The following TRIM36 variants were observed in gnomAD, a reference collection of about 807,000 sequenced individuals.
The protein encoded by TRIM36 is E3 ubiquitin-protein ligase TRIM36.
A neutral mutation model predicts 72.4 loss-of-function variants in TRIM36; 42 were observed. That is an observed-to-expected ratio of 0.58 (90% CI 0.45 to 0.75). The LOEUF is 0.75. Ranked by LOEUF, TRIM36 falls within the 30% of genes least tolerant of loss-of-function variation. The pLI is 0.00. For synonymous variants in TRIM36, 315 were observed against 282.8 expected (o/e 1.11, Z -1.14); for missense variants, 913 against 857.1 (o/e 1.07, Z -0.81).
At chr5:115,162,266 C>A (rs969379396) in intron 2 of TRIM36, among the ~76,000 whole-genome samples, 10 of 152,164 alleles carry the variant, frequency 6.6e-5, no homozygotes, top group Admixed American at 6.5e-4. Context: ...GGAGAAACAT[C>A]CCAGTAATGC....
chr5:115,162,645 A>C (rs1431121295), intron 2 of TRIM36, among the ~76,000 whole-genome samples: 3 of 152,198 alleles, frequency 2.0e-5, no homozygotes, highest in Non-Finnish European at 4.4e-5. Context: ...ATTAACATAC[A>C]AAAAGTTTTC....
chr5:115,149,860 G>A (rs1433458451), intron 2 of TRIM36, among the ~76,000 whole-genome samples: 3 of 152,112 alleles, frequency 2.0e-5, no homozygotes, highest in South Asian at 2.1e-4. Context: ...CCGGGTTCAC[G>A]CCATTCTCCT....
intron 2 of TRIM36, among the ~76,000 whole-genome samples, chr5:115,158,835 A>T (rs1754325978): frequency 6.6e-6 from 1 of 152,256 alleles, no homozygotes; most frequent in African/African-American, 2.4e-5. Context: ...TTATATTCTC[A>T]AAAACCTGTA....
upstream of TRIM36, chr5:115,180,290 G>T: frequency 2.7e-6 from 1 of 372,232 alleles, no homozygotes; most frequent in South Asian, 6.0e-5. Flanking sequence ...GCGATCTAAC[G>T]GAACAAACGA....
intron 2 of TRIM36, among the ~76,000 whole-genome samples, chr5:115,153,327 A>C (rs994506581): frequency 9.2e-5 from 13 of 142,002 alleles, no homozygotes; most frequent in Non-Finnish European, 1.6e-4. Flanking sequence ...CTTGTCCAAC[A>C]GGAAAATATC....
At chr5:115,136,242 G>C (rs1236001687) in intron 7 of TRIM36, among the ~76,000 whole-genome samples, 1 of 151,892 alleles carries the variant, frequency 6.6e-6, no homozygotes, top group Non-Finnish European at 1.5e-5. Flanking sequence ...CATTAGAATG[G>C]GCCCTACTCC....
intron 5 of TRIM36, among the ~76,000 whole-genome samples, chr5:115,138,864 G>A (rs1753115838): frequency 6.6e-6 from 1 of 152,074 alleles, no homozygotes; most frequent in Admixed American, 6.5e-5. Flanking sequence ...CGCCCAGGCT[G>A]TAGTGCAGTG....
At chr5:115,168,173 A>C (rs1754896582) in intron 1 of TRIM36, among the ~76,000 whole-genome samples, 1 of 152,210 alleles carries the variant, frequency 6.6e-6, no homozygotes, top group Non-Finnish European at 1.5e-5. Context: ...GCCTAACCAT[A>C]ACAGAATATT....
chr5:115,127,570 A>C (rs534130923), intron 9 of TRIM36, among the ~76,000 whole-genome samples: 2 of 152,174 alleles, frequency 1.3e-5, no homozygotes, highest in East Asian at 1.9e-4. Context: ...TAAATAAATA[A>C]ATTCATTCAT....
Position 115,147,374 on chromosome 5 carries a change from T to C in TRIM36, c.283A>G (p.Thr95Ala). ...CAAGGGAAAACAGTTGTCCTCGGGG[T>C]CAATGAATTGCGCTTCCAGCCTGTG... ...NRPGWKRNSLTPRTTVFPCPG... is the reference protein window; with the variant it reads ...NRPGWKRNSLAPRTTVFPCPG... The change falls in exon 3 of 10, where the codon ACC (threonine) becomes GCC (alanine). Residue 95 changes from threonine to alanine, a missense_variant. Transcript: ENST00000513154. 6.2e-7 allele frequency: 1 copy of C among 1,612,228 alleles called. No individual in the cohort carries two copies. Among genetic ancestry groups the C allele is most frequent in the Non-Finnish European group, 8.5e-7 (1 of 1,178,254 alleles).
In TRIM36 at chr5:115,137,706, A is replaced by C. The variant is rs940301424; in HGVS notation, c.832-90T>G. The C allele has an allele frequency of 4.4e-6, 6 of 1,358,304 alleles. No homozygotes were observed. The Admixed American group carries it at 1.3e-4, about 29-fold the overall frequency. 84.1% of individuals were successfully genotyped at this position (1,358,304 alleles called of 1,614,324 possible). On this transcript the variant is annotated intron_variant, in intron 5 of 9. Transcript: ENST00000513154. ...CAAATGGCTTTCCACAAAGTTCTAC[A>C]TAATTACATTTCATCTATGTGATGA...
intron 9 of TRIM36, among the ~76,000 whole-genome samples, chr5:115,129,921 A>C (rs1364753912): frequency 6.6e-6 from 1 of 152,204 alleles, no homozygotes; most frequent in Non-Finnish European, 1.5e-5. Flanking sequence ...TTTAAACATT[A>C]ATACTAATTT....
chr5:115,165,437 T>A (rs1234878147), intron 1 of TRIM36, among the ~76,000 whole-genome samples: 1 of 152,246 alleles, frequency 6.6e-6, no homozygotes. Context: ...AACTCTTGAC[T>A]TTTGTGCACT....
At chr5:115,180,181 G>C, upstream of TRIM36, 1 of 769,018 alleles carries the variant, frequency 1.3e-6, no homozygotes, top group Non-Finnish European at 2.1e-6. Flanking sequence ...GAAGCGCCGG[G>C]GAAAGCAAGA....
At chr5:115,155,173 G>C (rs1022596814) in intron 2 of TRIM36, among the ~76,000 whole-genome samples, 1 of 150,992 alleles carries the variant, frequency 6.6e-6, no homozygotes, top group Non-Finnish European at 1.5e-5. Flanking sequence ...TGGGCAACAA[G>C]AGCAAAACAC....
At chr5:115,141,598 G>T (rs367614382) in intron 4 of TRIM36, among the ~76,000 whole-genome samples, 3 of 152,208 alleles carry the variant, frequency 2.0e-5, no homozygotes, top group Admixed American at 1.3e-4. Context: ...TTGGAAAAAA[G>T]AACAAGGTAA....
rs779660357 is a variant in TRIM36 at position 115,169,806 on chromosome 5, G to A, written c.-172C>T. 1,058 of 1,319,952 alleles carry A rather than the reference G, an allele frequency of 8.0e-4. 3 individuals carry two copies. The highest frequency in any genetic ancestry group is 8.8e-4 in the Non-Finnish European group (907 of 1,028,774). 81.8% of individuals were successfully genotyped at this position (1,319,952 alleles called of 1,614,324 possible). On this transcript the variant is annotated 5_prime_UTR_variant, in exon 1 of 10. Coordinates refer to ENST00000513154, the MANE Select transcript of TRIM36 (RefSeq NM_001300759.2). ...ACCGACGCGGGGAGAAGTAAGCCGG[G>A]GCAGGCAAAAGCACAGGCGCGGGAG... is the stretch of plus-strand genomic sequence containing the variant.
At chr5:115,167,963 A>G (rs1016901309) in intron 1 of TRIM36, among the ~76,000 whole-genome samples, 1 of 152,224 alleles carries the variant, frequency 6.6e-6, no homozygotes, top group Non-Finnish European at 1.5e-5. Context: ...AAGGGAAGCA[A>G]GCACGTTTTA....
chr5:115,163,572 G>C lies in TRIM36; in HGVS notation c.208C>G (p.Arg70Gly), dbSNP rs765467230. ...ATACTAGGGGAGGGGAGCCGAAGTC[G>C]AGGACTGCTTTGATTGGAGTTGTCT... ...GSDNSNQSSP[R>G]LRLPSPSMDK... is the part of the protein sequence containing the mutation. The change falls in exon 2 of 10, where the codon CGA becomes GGA. Residue 70 changes from arginine to glycine, a missense_variant. Arg to Gly is a moderately radical substitution (Grantham distance 125, BLOSUM62 -2). Coordinates refer to ENST00000513154, the MANE Select transcript of TRIM36 (RefSeq NM_001300759.2). 6.2e-7 allele frequency: 1 copy of C among 1,614,138 alleles called. No individual in the cohort carries two copies. The highest frequency in any genetic ancestry group is 1.1e-5 in the South Asian group (1 of 91,084).
Sources: allele counts gnomAD v4.1 joint callset (sites outside exome capture counted in the v4.1 genomes callset), GRCh38; gene constraint gnomAD v4.1.1; transcripts MANE v1.5; gene names NCBI Gene and HGNC (gene_info 2026-07-23, HGNC 2026-07-21).